The following LARP1B variants were observed in gnomAD, a reference collection of about 807,000 sequenced individuals.
LARP1B encodes la-related protein 1B.
In LARP1B, 76 loss-of-function variants were observed where a neutral mutation model predicts 114.2. That is an observed-to-expected ratio of 0.67 (90% CI 0.55 to 0.81). The LOEUF (loss-of-function observed/expected upper bound fraction) is 0.81. LARP1B is among the 30% of genes least tolerant of loss of function. The pLI is 0.00. For synonymous variants in LARP1B, 345 were observed against 348.0 expected (o/e 0.99, Z 0.10); for missense variants, 1,014 against 1,075.8 (o/e 0.94, Z 0.80).
chr4:128,153,015 T>C (rs1350691885), intron 11 of LARP1B, among the ~76,000 whole-genome samples: 2 of 138,570 alleles, frequency 1.4e-5, no homozygotes, highest in African/African-American at 2.7e-5. Flanking sequence ...GGAGTTTTGC[T>C]CTTGTCACCC....
intron 8 of LARP1B, among the ~76,000 whole-genome samples, chr4:128,099,256 C>T (rs1779399417): frequency 6.6e-6 from 1 of 151,216 alleles, no homozygotes; most frequent in Admixed American, 6.6e-5. Flanking sequence ...CCTTGGTAAC[C>T]ACAATCACTA....
At chr4:128,175,208 T>C (rs1348414420) in intron 12 of LARP1B, among the ~76,000 whole-genome samples, 1 of 152,150 alleles carries the variant, frequency 6.6e-6, no homozygotes, top group African/African-American at 2.4e-5. Context: ...GATTTAGATA[T>C]AGGACTGAGT....
intron 1 of LARP1B, chr4:128,069,615 TG>T (rs1034082192): frequency 6.3e-5 from 42 of 666,178 alleles, no homozygotes; most frequent in Non-Finnish European, 1.1e-4. Context: ...GCCCCCATCT[TG>T]GCTTACCTGA....
At position 128,199,613 on chromosome 4, in the gene LARP1B, C is replaced by T. The variant is rs953534186; in HGVS notation, c.2164+14C>T. 4.8e-5 allele frequency: 68 copies of T among 1,407,764 alleles called. No homozygotes were observed. The highest frequency in any genetic ancestry group is 5.9e-5 in the Non-Finnish European group (62 of 1,054,142). The allele number at this position is 1,407,764 out of a possible 1,614,324, so 87.2% of individuals were successfully genotyped here. A position where few individuals can be genotyped will look rare whatever the true frequency, so the allele number is the denominator to read the frequency against. ...GATGCCTAAGTGGTAAGATGCTTGT[C>T]CTTTATCTATCTAATATATTTAAAA... On this transcript the variant is annotated intron_variant, in intron 16 of 19. Coordinates refer to ENST00000326639, the MANE Select transcript of LARP1B (RefSeq NM_018078.4).
intron 9 of LARP1B, chr4:128,107,901 G>A: frequency 1.3e-6 from 2 of 1,536,048 alleles, no homozygotes; most frequent in Non-Finnish European, 1.7e-6. Flanking sequence ...ATGATCTTCT[G>A]AAGCTCTTGG....
chr4:128,095,992 AT>A (rs71587360), intron 7 of LARP1B, among the ~76,000 whole-genome samples: 316 of 125,328 alleles, frequency 2.5e-3, no homozygotes, highest in African/African-American at 6.4e-3. Context: ...GGAGGCTATA[AT>A]TTTTTTTTTT....
At chr4:128,140,824 G>GTTTTTTTTTTTT (rs773635049) in intron 11 of LARP1B, among the ~76,000 whole-genome samples, 1 of 138,604 alleles carries the variant, frequency 7.2e-6, no homozygotes, top group Non-Finnish European at 1.6e-5. Context: ...AATTGTCTCT[G>GTTTTTTTTTTTT]TTTTTTTTTT....
Position 128,082,192 on chromosome 4 carries a change from A to C in LARP1B, c.245A>C (p.His82Pro). The change falls in exon 5 of 20, where the codon CAC (histidine) becomes CCC (proline). Residue 82 changes from histidine to proline, a missense_variant. Transcript: ENST00000326639. ...AATAAGCACAAGTGGGTACCACTCC[A>C]CTTAGATGTTGTAAGATCAGAGAGT... ...RANKHKWVPL[H>P]LDVVRSESQE... 2 of 1,612,362 alleles carry C rather than the reference A, an allele frequency of 1.2e-6. No homozygotes were observed.
intron 15 of LARP1B, among the ~76,000 whole-genome samples, chr4:128,196,328 C>A (rs1386189772): frequency 6.7e-6 from 1 of 148,508 alleles, no homozygotes; most frequent in African/African-American, 2.5e-5. Flanking sequence ...ACCCAGCCTG[C>A]GCAACACGGT....
intron 8 of LARP1B, among the ~76,000 whole-genome samples, chr4:128,104,141 GA>G (rs1450412541): frequency 2.6e-5 from 4 of 151,806 alleles, no homozygotes; most frequent in African/African-American, 9.7e-5. Context: ...GATTAGAGAT[GA>G]TTTTTTTTCC....
intron 12 of LARP1B, among the ~76,000 whole-genome samples, chr4:128,162,732 T>C (rs1227283993): frequency 6.6e-6 from 1 of 152,126 alleles, no homozygotes; most frequent in Non-Finnish European, 1.5e-5. Flanking sequence ...TTCAGACAAG[T>C]ATAACTGATT....
At chr4:128,114,101 G>A (rs1785020399) in intron 9 of LARP1B, among the ~76,000 whole-genome samples, 1 of 152,198 alleles carries the variant, frequency 6.6e-6, no homozygotes, top group African/African-American at 2.4e-5. Context: ...CCAAGGAAAT[G>A]TGAAAAGTAG....
chr4:128,078,008 G>A, intron 4 of LARP1B, 46 bp downstream of exon 4: 1 of 1,293,506 alleles, frequency 7.7e-7, no homozygotes, highest in South Asian at 1.8e-5. Flanking sequence ...TTTGAAGAAA[G>A]TTGTAATGAG....
At chr4:128,063,640 G>A (rs560190975) in intron 1 of LARP1B, among the ~76,000 whole-genome samples, 1 of 150,614 alleles carries the variant, frequency 6.6e-6, no homozygotes, top group African/African-American at 2.4e-5. Flanking sequence ...TTAACCTGGC[G>A]TGGTGGCGCA....
In LARP1B at chr4:128,199,849, G is replaced by T. The variant is rs558081819; in HGVS notation, c.2164+250G>T. Among the ~76,000 whole-genome samples, 4 of 152,318 alleles carry T rather than the reference G, an allele frequency of 2.6e-5. No individual in the cohort carries two copies. In the South Asian group the frequency reaches 6.2e-4, roughly 24 times the overall value. Reference sequence around the variant, plus strand: ...GCCAGTAATCTCAGCACTTTGGGAGGCCGAGGCATGCAGATCACTTGAGGT... The same window carrying T: ...GCCAGTAATCTCAGCACTTTGGGAGTCCGAGGCATGCAGATCACTTGAGGT... On this transcript the variant is annotated intron_variant, in intron 16 of 19. Transcript: ENST00000326639.
chr4:128,186,825 G>C (rs1750529466), intron 15 of LARP1B, among the ~76,000 whole-genome samples: 1 of 152,202 alleles, frequency 6.6e-6, no homozygotes, highest in Non-Finnish European at 1.5e-5. Context: ...ATGGGGCCCT[G>C]TGCAACCTTG....
chr4:128,162,727 A>G (rs756879595), intron 12 of LARP1B, among the ~76,000 whole-genome samples: 11 of 152,274 alleles, frequency 7.2e-5, no homozygotes, highest in Non-Finnish European at 1.6e-4. Flanking sequence ...GACATTTCAG[A>G]CAAGTATAAC....
At chr4:128,190,057 G>A (rs1248256924) in intron 15 of LARP1B, among the ~76,000 whole-genome samples, 4 of 152,202 alleles carry the variant, frequency 2.6e-5, no homozygotes, top group African/African-American at 9.6e-5. Flanking sequence ...GCACATCAAA[G>A]TTTGTTTTCT....
At chr4:128,071,187 C>T (rs1765179410) in intron 1 of LARP1B, among the ~76,000 whole-genome samples, 2 of 151,780 alleles carry the variant, frequency 1.3e-5, no homozygotes, top group Non-Finnish European at 2.9e-5. Context: ...GCTGGGACTA[C>T]AGGCGCCCGC....
Sources: gnomAD v4.1 joint callset for allele counts (sites outside exome capture counted in the v4.1 genomes callset) on GRCh38, gnomAD v4.1.1 for gene constraint, MANE v1.5 for transcripts, NCBI Gene and HGNC (gene_info 2026-07-23, HGNC 2026-07-21) for gene names.